RNF130: variants seen among roughly 807,000 people sequenced by gnomAD.
RNF130 encodes the protein E3 ubiquitin-protein ligase RNF130.
In RNF130, 21 loss-of-function variants were observed where a neutral mutation model predicts 44.6. That is an observed-to-expected ratio of 0.47 (90% CI 0.33 to 0.68). RNF130 has a LOEUF of 0.68. Ranked by LOEUF, RNF130 falls within the 30% of genes least tolerant of loss-of-function variation. The pLI is 0.02. For missense variants in RNF130, 479 were observed against 560.6 expected, an observed-to-expected ratio of 0.85 and a Z score of 1.47; for synonymous variants, 214 against 210.4, an observed-to-expected ratio of 1.02 and a Z score of -0.15.
intron 1 of RNF130, among the ~76,000 whole-genome samples, chr5:180,069,350 G>GT (rs1252750129): frequency 2.0e-5 from 3 of 152,114 alleles, no homozygotes; most frequent in Non-Finnish European, 2.9e-5. Context: ...GAAAAACTGC[G>GT]TATGTGTGAA....
intron 2 of RNF130, among the ~76,000 whole-genome samples, chr5:180,036,757 A>C (rs1300085279): frequency 3.4e-5 from 4 of 116,376 alleles, no homozygotes; most frequent in African/African-American, 1.1e-4. Flanking sequence ...AATATTTCAC[A>C]AAGTTTTTCT....
chr5:179,940,454 G>C (rs1332241149), intron 7 of RNF130, among the ~76,000 whole-genome samples: 1 of 151,864 alleles, frequency 6.6e-6, no homozygotes, highest in Non-Finnish European at 1.5e-5. Context: ...TGCCAGGCTG[G>C]TCTCGAACTC....
At chr5:179,991,502 T>C (rs1763080969) in intron 3 of RNF130, among the ~76,000 whole-genome samples, 1 of 152,234 alleles carries the variant, frequency 6.6e-6, no homozygotes, top group South Asian at 2.1e-4. Context: ...TTGCTTTATA[T>C]AGTCCATGCT....
chr5:180,049,474 C>T (rs1040515361), intron 1 of RNF130, among the ~76,000 whole-genome samples: 2 of 152,226 alleles, frequency 1.3e-5, no homozygotes, highest in African/African-American at 4.8e-5. Context: ...GCAGCAACCA[C>T]ATTACAGTTA....
At chr5:180,052,335 A>G (rs1350442420) in intron 1 of RNF130, among the ~76,000 whole-genome samples, 1 of 152,226 alleles carries the variant, frequency 6.6e-6, no homozygotes, top group Admixed American at 6.5e-5. Flanking sequence ...TTTCCAGTGT[A>G]GAGTTCTGGC....
At chr5:179,975,769 C>T (rs6601077) in intron 5 of RNF130, among the ~76,000 whole-genome samples, 30,413 of 151,934 alleles carry the variant, frequency 0.2, 3,267 homozygotes, top group Middle Eastern at 0.24. Flanking sequence ...GAGGGTGCAG[C>T]GAAATTCCGT....
chr5:180,026,624 T>C (rs1375378417), intron 2 of RNF130, among the ~76,000 whole-genome samples: 1 of 152,186 alleles, frequency 6.6e-6, no homozygotes, highest in African/African-American at 2.4e-5. Flanking sequence ...ACCAAGCTCT[T>C]GGTTGACAAG....
At chr5:179,934,294 CAGAA>C in intron 7 of RNF130, 1 of 155,254 alleles carries the variant, frequency 6.4e-6, no homozygotes, top group Admixed American at 6.4e-5. Flanking sequence ...AATGCATCTC[CAGAA>C]CTTTTTCATC....
chr5:179,980,080 A>G lies in RNF130; in HGVS notation c.765+49T>C, dbSNP rs370769164. 6.2e-4 allele frequency: 967 copies of G among 1,556,742 alleles called. 1 individual carries two copies. Among genetic ancestry groups the G allele is most frequent in the Non-Finnish European group, 8.0e-4 (907 of 1,130,564 alleles). On this transcript the variant is annotated intron_variant, in intron 4 of 8. Coordinates refer to ENST00000521389, the MANE Select transcript of RNF130 (RefSeq NM_018434.6). ...GTGTCCTCTCCCACCAAACAAAAAC[A>G]AAACTGCTGGATTACTTTTACGGTG...
At chr5:180,044,819 T>C (rs189314427) in intron 1 of RNF130, among the ~76,000 whole-genome samples, 1,855 of 151,112 alleles carry the variant, frequency 0.012, 40 homozygotes, top group African/African-American at 0.043. Flanking sequence ...GCGACGGAAG[T>C]AGACTCCGTC....
exon 8 of RNF130, chr5:179,917,800 T>C (rs565393496): frequency 9.2e-5 from 14 of 152,226 alleles, no homozygotes; most frequent in African/African-American, 3.1e-4. Context: ...GCCCAGGAAT[T>C]CAAGACCAGC....
At chr5:180,030,983 C>G (rs183421019) in intron 2 of RNF130, among the ~76,000 whole-genome samples, 1 of 152,268 alleles carries the variant, frequency 6.6e-6, no homozygotes, top group East Asian at 1.9e-4. Flanking sequence ...CCTCCTACCC[C>G]CTAAGCCTAC....
chr5:180,033,486 G>T (rs1014133192), intron 2 of RNF130, among the ~76,000 whole-genome samples: 3 of 152,306 alleles, frequency 2.0e-5, no homozygotes, highest in African/African-American at 7.2e-5. Context: ...CACTTTGGAA[G>T]GCTGAGGTGG....
At chr5:179,971,572 T>C (rs1199058274) in intron 5 of RNF130, among the ~76,000 whole-genome samples, 2 of 152,182 alleles carry the variant, frequency 1.3e-5, no homozygotes, top group Admixed American at 6.5e-5. Flanking sequence ...GGTTTCACCA[T>C]GTTAGCCAGG....
chr5:180,026,580 C>T (rs1196870640), intron 2 of RNF130, among the ~76,000 whole-genome samples: 1 of 152,164 alleles, frequency 6.6e-6, no homozygotes, highest in East Asian at 1.9e-4. Context: ...GTCCTTCAGT[C>T]ACCAGGTGAA....
At chr5:179,971,417 T>G (rs553517163) in intron 5 of RNF130, among the ~76,000 whole-genome samples, 69 of 152,366 alleles carry the variant, frequency 4.5e-4, no homozygotes, top group African/African-American at 1.6e-3. Context: ...TCGCCCAGGC[T>G]GAAGTGCAGT....
intron 3 of RNF130, among the ~76,000 whole-genome samples, chr5:180,010,008 G>C (rs1251637642): frequency 6.6e-6 from 1 of 152,156 alleles, no homozygotes; most frequent in African/African-American, 2.4e-5. Context: ...AGCACTTTGG[G>C]AGGCTGAGGT....
intron 1 of RNF130, among the ~76,000 whole-genome samples, chr5:180,054,309 TC>T (rs1403639377): frequency 3.3e-5 from 5 of 152,270 alleles, no homozygotes; most frequent in Admixed American, 1.3e-4. Flanking sequence ...ATCGCTTTCT[TC>T]CCAATTTCTA....
chr5:180,017,472 A>G (rs1040806042), intron 2 of RNF130, among the ~76,000 whole-genome samples: 3 of 152,152 alleles, frequency 2.0e-5, no homozygotes, highest in Non-Finnish European at 2.9e-5. Context: ...CTTTCACTCA[A>G]TGCTCTCAGC....
Sources: allele counts gnomAD v4.1 joint callset (sites outside exome capture counted in the v4.1 genomes callset), GRCh38; gene constraint gnomAD v4.1.1; transcripts MANE v1.5; gene names NCBI Gene and HGNC (gene_info 2026-07-23, HGNC 2026-07-21).